Variants in PCDHGA1 observed in about 807,000 individuals in gnomAD.
PCDHGA1 encodes the protein protocadherin gamma-A1.
A neutral mutation model predicts 58.0 loss-of-function variants in PCDHGA1; 32 were observed. The ratio of observed to expected loss-of-function variants is 0.55; its 90% CI spans 0.42 to 0.74. The LOEUF is 0.74. PCDHGA1 is among the 30% of genes least tolerant of loss of function. The pLI, the probability that PCDHGA1 is intolerant of heterozygous loss-of-function variation, is 0.00. For synonymous variants in PCDHGA1, 498 were observed against 501.1 expected, an observed-to-expected ratio of 0.99 and a Z score of 0.08; for missense variants, 1,205 against 1,182.3, an observed-to-expected ratio of 1.02 and a Z score of -0.28.
At chr5:141,481,879 A>G (rs1204365605) in intron 1 of PCDHGA1, among the ~76,000 whole-genome samples, 1 of 144,890 alleles carries the variant, frequency 6.9e-6, no homozygotes, top group Non-Finnish European at 1.5e-5. Context: ...GCGCCACTGC[A>G]CTCCAGCCTG....
chr5:141,510,656 A>C (rs761093897), intron 3 of PCDHGA1, among the ~76,000 whole-genome samples: 4 of 152,304 alleles, frequency 2.6e-5, no homozygotes, highest in Non-Finnish European at 5.9e-5. Flanking sequence ...CCCATTTTGC[A>C]GATGAGAAAA....
At chr5:141,347,733 G>A (rs1347546007) in intron 1 of PCDHGA1, among the ~76,000 whole-genome samples, 1 of 150,882 alleles carries the variant, frequency 6.6e-6, no homozygotes, top group Non-Finnish European at 1.5e-5. Flanking sequence ...GTTGCAGAGA[G>A]CCAAAATTGG....
Position 141,350,783 on chromosome 5 carries a change from TTC to T in PCDHGA1, c.2421+17684_2421+17685del, listed in dbSNP as rs201293239. On this transcript the variant is annotated intron_variant, in intron 1 of 3. Transcript: ENST00000517417. ...ATACACCATCAACCCCAATCAATAC[TTC>T]TCTCTGTCAACGAAGGAAAGTCCTG... 2.1e-4 allele frequency: 345 copies of T among 1,613,962 alleles called. 2 individuals carry two copies. The East Asian group carries it at 4.8e-3, about 23-fold the overall frequency.
intron 1 of PCDHGA1, chr5:141,360,702 T>C: frequency 6.2e-7 from 1 of 1,613,942 alleles, no homozygotes; most frequent in Non-Finnish European, 8.5e-7. Context: ...CAGATGGTCG[T>C]AAATATCCTG....
Position 141,364,882 on chromosome 5 carries a change from C to G in PCDHGA1, c.2421+31777C>G, listed in dbSNP as rs199576947. 1.6e-3 allele frequency: 2,598 copies of G among 1,613,962 alleles called. 5 individuals carry two copies. The highest frequency in any genetic ancestry group is 2.6e-3 in the South Asian group (236 of 91,080). Reference sequence around the variant, plus strand: ...TGCACTTCTCTCTGGATGTGGTAAGCGGAACTGATGGACAAAAGTATCCGG... The same window carrying G: ...TGCACTTCTCTCTGGATGTGGTAAGGGGAACTGATGGACAAAAGTATCCGG... On this transcript the variant is annotated intron_variant, in intron 1 of 3. Transcript: ENST00000517417.
intron 1 of PCDHGA1, chr5:141,371,912 C>G (rs1768180129): frequency 6.2e-7 from 1 of 1,613,380 alleles, no homozygotes; most frequent in Non-Finnish European, 8.5e-7. Flanking sequence ...CCTACGTGTC[C>G]GTGAGCGCGC....
intron 1 of PCDHGA1, chr5:141,374,459 A>C: frequency 1.9e-6 from 3 of 1,613,448 alleles, no homozygotes; most frequent in Non-Finnish European, 1.7e-6. Flanking sequence ...AATAGTGGAC[A>C]TTAATGACAA....
intron 1 of PCDHGA1, chr5:141,345,486 G>T (rs773154186): frequency 1.2e-6 from 2 of 1,613,890 alleles, no homozygotes; most frequent in African/African-American, 2.7e-5. Flanking sequence ...CAACAACAAC[G>T]CCCGCATCAC....
At chr5:141,430,220 G>A (rs1216694883) in intron 1 of PCDHGA1, among the ~76,000 whole-genome samples, 1 of 148,674 alleles carries the variant, frequency 6.7e-6, no homozygotes, top group Non-Finnish European at 1.5e-5. Flanking sequence ...TATATTATAT[G>A]ATTTGTCAAA....
intron 1 of PCDHGA1, among the ~76,000 whole-genome samples, chr5:141,368,915 A>G (rs1765921156): frequency 6.6e-6 from 1 of 152,228 alleles, no homozygotes; most frequent in Non-Finnish European, 1.5e-5. Context: ...TAAAGGTGAC[A>G]ATGAGTGTCT....
intron 1 of PCDHGA1, among the ~76,000 whole-genome samples, chr5:141,386,684 T>A (rs1216561775): frequency 6.6e-6 from 1 of 152,098 alleles, no homozygotes; most frequent in African/African-American, 2.4e-5. Flanking sequence ...AGATGTACAA[T>A]CACTTGGGGT....
chr5:141,346,437 G>A (rs759223257), intron 1 of PCDHGA1: 9 of 1,614,222 alleles, frequency 5.6e-6, no homozygotes, highest in Non-Finnish European at 6.8e-6. Flanking sequence ...TGAAATGAAA[G>A]GAGATTCCAA....
chr5:141,351,872 C>T (rs1286128393), intron 1 of PCDHGA1: 12 of 1,613,296 alleles, frequency 7.4e-6, no homozygotes, highest in Non-Finnish European at 1.0e-5. Context: ...CTCCCCCGCG[C>T]TCAGCGCCAA....
At position 141,331,200 on chromosome 5, in the gene PCDHGA1, C is replaced by G. The variant is rs1206609316; in HGVS notation, c.516C>G (p.Leu172=). 1.2e-6 allele frequency: 2 copies of G among 1,614,168 alleles called. No individual in the cohort carries two copies. The highest frequency in any genetic ancestry group is 1.7e-6 in the Non-Finnish European group (2 of 1,180,040). The change falls in exon 1 of 4, where the codon CTC becomes CTG. Residue 172 remains leucine (L), a synonymous_variant. Transcript: ENST00000517417. ...VGMNSLQSYQ[L]SSNPHFSLDV... The stretch of plus-strand genomic sequence containing the variant: ...TGAACTCACTCCAGAGCTACCAACT[C>G]AGCTCTAACCCTCATTTCTCCCTGG...
In PCDHGA1 at chr5:141,476,291, G is replaced by T. The variant is rs1385060012; in HGVS notation, c.2422-18516G>T. The stretch of plus-strand genomic sequence containing the variant: ...GGTCGCGAACCTTGGTTTGGATCTC[G>T]GTAGCCTCTCAGCCCGCAGGTTCCG... On this transcript the variant is annotated intron_variant, in intron 1 of 3. Coordinates refer to ENST00000517417, the MANE Select transcript of PCDHGA1 (RefSeq NM_018912.3). This position sits in a 1 kb window ranked among gnomAD's most constrained non-coding sequence, Gnocchi z 7.6. 4 of 1,614,128 alleles carry T rather than the reference G, an allele frequency of 2.5e-6. No homozygotes were observed. Among genetic ancestry groups the T allele is most frequent in the South Asian group, 1.1e-5 (1 of 91,072 alleles).
chr5:141,419,479 C>A, intron 1 of PCDHGA1: 2 of 1,612,390 alleles, frequency 1.2e-6, no homozygotes, highest in Non-Finnish European at 1.7e-6. Flanking sequence ...AGGGCTCGCC[C>A]GCGCTCAGCG....
intron 1 of PCDHGA1, chr5:141,343,811 C>G: frequency 2.1e-6 from 1 of 468,054 alleles, no homozygotes; most frequent in Non-Finnish European, 3.7e-6. Flanking sequence ...AAGGAGAACG[C>G]AGCTGGAGAA....
chr5:141,346,429 A>G, intron 1 of PCDHGA1: 1 of 1,614,274 alleles, frequency 6.2e-7, no homozygotes, highest in Non-Finnish European at 8.5e-7. Context: ...GATTTACTTG[A>G]AATGAAAGGA....
intron 1 of PCDHGA1, among the ~76,000 whole-genome samples, chr5:141,481,700 T>C (rs1283509788): frequency 2.0e-5 from 3 of 152,034 alleles, no homozygotes; most frequent in Non-Finnish European, 4.4e-5. Context: ...ACGCCTGTAA[T>C]CCCAGCACTT....
Sources: allele counts gnomAD v4.1 joint callset (sites outside exome capture counted in the v4.1 genomes callset), GRCh38; gene constraint gnomAD v4.1.1; non-coding constraint Gnocchi (gnomAD v3.1); transcripts MANE v1.5; gene names NCBI Gene and HGNC (gene_info 2026-07-23, HGNC 2026-07-21).